Variants in GSDME observed in about 807,000 individuals in gnomAD.
The protein encoded by GSDME is gasdermin-E.
Under a neutral mutation model 47.5 loss-of-function variants are expected in GSDME, and 44 were observed. The ratio of observed to expected loss-of-function variants is 0.93; its 90% CI spans 0.73 to 1.19. The LOEUF (loss-of-function observed/expected upper bound fraction) is 1.19, where lower values mean the gene tolerates loss of function less well. Among genes scored for constraint, GSDME ranks in the 50% most tolerant of loss-of-function variants. The pLI is 0.00. For missense variants in GSDME, 663 were observed against 604.2 expected (o/e 1.10, Z -1.02); for synonymous variants, 258 against 252.8 (o/e 1.02, Z -0.20).
intron 3 of GSDME, among the ~76,000 whole-genome samples, chr7:24,719,776 G>C (rs1184820308): frequency 6.6e-6 from 1 of 151,444 alleles, no homozygotes; most frequent in East Asian, 1.9e-4. Flanking sequence ...CAGGGCAACA[G>C]AGCAAGACTC....
Position 24,708,113 on chromosome 7 carries a change from G to A in GSDME, c.990+14C>T, listed in dbSNP as rs1435249899. ...CCCAGTGAAAACACTGCCTTGAGAT[G>A]TCTCAGGGCTCACCACTGGTTCCAG... On this transcript the variant is annotated intron_variant, in intron 7 of 9. Coordinates refer to ENST00000645220, the MANE Select transcript of GSDME (RefSeq NM_001127453.2). The A allele has an allele frequency of 6.2e-7, 1 of 1,613,884 alleles. No individual in the cohort carries two copies. Among genetic ancestry groups the A allele is most frequent in the Non-Finnish European group, 8.5e-7 (1 of 1,179,934 alleles).
rs1426737489 is a variant in GSDME, at chr7:24,739,174, A to G, written c.404+5388T>C. Among the ~76,000 whole-genome samples, 1 of 152,192 alleles carries G rather than the reference A, an allele frequency of 6.6e-6. No individual in the cohort carries two copies. The highest frequency in any genetic ancestry group is 2.4e-5 in the African/African-American group (1 of 41,458). On this transcript the variant is annotated intron_variant, in intron 3 of 9. Coordinates refer to ENST00000645220, the MANE Select transcript of GSDME (RefSeq NM_001127453.2). This position sits in a 1 kb window ranked among gnomAD's most constrained non-coding sequence, Gnocchi z 5.1. ...AAGACTTCTGCACAGCAATGAAACA[A>G]CAAAATGAAGAGACAACTCACAGAA...
At chr7:24,740,731 C>T (rs1252108625) in intron 3 of GSDME, among the ~76,000 whole-genome samples, 1 of 151,986 alleles carries the variant, frequency 6.6e-6, no homozygotes, top group East Asian at 1.9e-4. Flanking sequence ...TTATCATGGT[C>T]ATGACATTGC....
intron 4 of GSDME, among the ~76,000 whole-genome samples, chr7:24,718,811 G>T (rs1158447868): frequency 1.1e-5 from 1 of 92,992 alleles, no homozygotes; most frequent in Non-Finnish European, 1.9e-5. Context: ...CCCAGGGAAA[G>T]CAGCTCCCTA....
intron 3 of GSDME, among the ~76,000 whole-genome samples, chr7:24,729,712 C>T (rs773798375): frequency 2.6e-5 from 4 of 152,168 alleles, no homozygotes; most frequent in Non-Finnish European, 5.9e-5. Flanking sequence ...ATTAGCTCAG[C>T]GACTGACCTG....
At chr7:24,780,865 T>C in the GSDME span, among the ~76,000 whole-genome samples, 1 of 152,170 alleles carries the variant, frequency 6.6e-6, no homozygotes, top group South Asian at 2.1e-4. This position sits in a 1 kb window ranked among gnomAD's most constrained non-coding sequence, Gnocchi z 4.1. Flanking sequence ...AATCACCCAA[T>C]TCCCTCAAAG....
At chr7:24,778,208 A>C in the GSDME span, among the ~76,000 whole-genome samples, 3 of 151,660 alleles carry the variant, frequency 2.0e-5, no homozygotes, top group Non-Finnish European at 4.4e-5. This position sits in a 1 kb window ranked among gnomAD's most constrained non-coding sequence, Gnocchi z 5.6. Context: ...ATCCAAGCAG[A>C]AGGACCAGGT....
chr7:24,769,102 A>G, the GSDME span, among the ~76,000 whole-genome samples: 3 of 152,242 alleles, frequency 2.0e-5, no homozygotes, highest in African/African-American at 4.8e-5. Flanking sequence ...AAAGCTGAAC[A>G]AACTCAAAGT....
At chr7:24,759,966 T>C (rs1036892955), upstream of GSDME, among the ~76,000 whole-genome samples, 5 of 152,174 alleles carry the variant, frequency 3.3e-5, no homozygotes, top group African/African-American at 7.2e-5. Flanking sequence ...TTAGCCCAAT[T>C]GGAAAAAAGT....
chr7:24,701,762 A>G (rs1223297038), intron 9 of GSDME, among the ~76,000 whole-genome samples: 1 of 152,220 alleles, frequency 6.6e-6, no homozygotes, highest in East Asian at 1.9e-4. Context: ...CCATTTTTGC[A>G]GTCAGTGGAC....
chr7:24,773,640 T>C, the GSDME span, among the ~76,000 whole-genome samples: 3 of 152,298 alleles, frequency 2.0e-5, no homozygotes, highest in Admixed American at 2.0e-4. The surrounding 1 kb of genome is among the most constrained non-coding windows in gnomAD (Gnocchi z 5.4). Flanking sequence ...GCTCCCTCTC[T>C]CCCCCACCTT....
chr7:24,789,029 CTT>C, the GSDME span, among the ~76,000 whole-genome samples: 1 of 152,104 alleles, frequency 6.6e-6, no homozygotes, highest in African/African-American at 2.4e-5. Context: ...TTGGATGTCT[CTT>C]TTTAAGTGTT....
chr7:24,699,578 G>A (rs942526990), intron 9 of GSDME, among the ~76,000 whole-genome samples: 1 of 152,160 alleles, frequency 6.6e-6, no homozygotes, highest in African/African-American at 2.4e-5. Context: ...GACCTCAGGT[G>A]ATCTGCCCAC....
chr7:24,776,034 G>C, the GSDME span, among the ~76,000 whole-genome samples: 1 of 151,844 alleles, frequency 6.6e-6, no homozygotes, highest in Admixed American at 6.6e-5. Context: ...ACAAAAATTA[G>C]CCGGGCGTGG....
chr7:24,714,369 G>T lies in GSDME; in HGVS notation c.697+2885C>A, dbSNP rs188968625. ...TCAAGGGCCCTTCCAACCACTGCAG[G>T]TTTATGTCTATGAAGCTATACCAGA... On this transcript the variant is annotated intron_variant, in intron 5 of 9. Coordinates refer to ENST00000645220, the MANE Select transcript of GSDME (RefSeq NM_001127453.2). The surrounding 1 kb of genome is among the most constrained non-coding windows in gnomAD (Gnocchi z 5.0). Among the ~76,000 whole-genome samples, 1 of 152,098 alleles carries T rather than the reference G, an allele frequency of 6.6e-6. No homozygotes were observed.
chr7:24,719,283 C>T, intron 3 of GSDME, 65 bp from the exon 4 acceptor site: 2 of 1,540,842 alleles, frequency 1.3e-6, no homozygotes, highest in Non-Finnish European at 1.8e-6. Flanking sequence ...GTGTGAATTT[C>T]CTCTTGCACA....
chr7:24,735,633 C>T lies in GSDME; in HGVS notation c.404+8929G>A, dbSNP rs1006123394. 2.0e-5 allele frequency among the ~76,000 whole-genome samples: 3 copies of T among 152,008 alleles called. No individual in the cohort carries two copies. Among genetic ancestry groups the T allele is most frequent in the Non-Finnish European group, 2.9e-5 (2 of 67,984 alleles). ...AGTAGCCGGGCGTGGTGGTGGGCGC[C>T]TGTAATCCCAACTACTCAGGAGGCT... On this transcript the variant is annotated intron_variant, in intron 3 of 9. Coordinates refer to ENST00000645220, the MANE Select transcript of GSDME (RefSeq NM_001127453.2). The surrounding 1 kb of genome is among the most constrained non-coding windows in gnomAD (Gnocchi z 4.4).
rs532542015 is a variant in GSDME, at chr7:24,757,172, G to A, written c.-20+224C>T. On this transcript the variant is annotated intron_variant, in intron 1 of 9. Transcript: ENST00000645220. This position sits in a 1 kb window ranked among gnomAD's most constrained non-coding sequence, Gnocchi z 5.9. ...CGGGACGCGGTGATGGGAGGGGACC[G>A]GGCCGGGAATGCGGGAGGCGAGGGG... Among the ~76,000 whole-genome samples the A allele has an allele frequency of 1.3e-5, 2 of 152,186 alleles. No homozygotes were observed. Among genetic ancestry groups the A allele is most frequent in the African/African-American group, 4.8e-5 (2 of 41,462 alleles).
In GSDME at chr7:24,710,358, C is replaced by A. The variant is rs757891973; in HGVS notation, c.728G>T (p.Gly243Val). 6.2e-7 allele frequency: 1 copy of A among 1,614,248 alleles called. No individual in the cohort carries two copies. Among genetic ancestry groups the A allele is most frequent in the African/African-American group, 1.3e-5 (1 of 75,070 alleles). ...GTCAATTCTCTTCTTGTTCTCGAAGCCACCTTGCTTCCCTCGGAGAAGGCA... is the reference window on the plus strand; with the variant it reads ...GTCAATTCTCTTCTTGTTCTCGAAGACACCTTGCTTCCCTCGGAGAAGGCA... ...EFCLLRGKQG[G>V]FENKKRIDSV... Residue 243 changes from glycine to valine, a missense_variant, in exon 6 of 10, where the codon GGC becomes GTC. Transcript: ENST00000645220.
Sources: gnomAD v4.1 joint callset for allele counts (sites outside exome capture counted in the v4.1 genomes callset) on GRCh38, gnomAD v4.1.1 for gene constraint, Gnocchi (gnomAD v3.1) non-coding constraint, MANE v1.5 for transcripts, NCBI Gene and HGNC (gene_info 2026-07-23, HGNC 2026-07-21) for gene names.